Variants in CNOT3 observed in about 807,000 individuals in gnomAD.
The protein encoded by CNOT3 is CCR4-associated factor 3.
In CNOT3, 2 loss-of-function variants were observed where a neutral mutation model predicts 89.4. That is an observed-to-expected ratio of 0.02 (90% CI 0.01 to 0.07). The LOEUF is 0.07. Among genes scored for constraint, CNOT3 ranks in the 10% least tolerant of loss-of-function variants. CNOT3 has a pLI of 1.00. For missense variants in CNOT3, 664 were observed against 1,010.2 expected, an observed-to-expected ratio of 0.66 and a Z score of 4.65; for synonymous variants, 486 against 402.0, an observed-to-expected ratio of 1.21 and a Z score of -2.50.
intron 3 of CNOT3, 101 bp downstream of exon 3, chr19:54,143,287 T>C (rs1235754269): frequency 8.9e-7 from 1 of 1,119,968 alleles, no homozygotes; most frequent in South Asian, 1.2e-5. Context: ...GGGCTACATA[T>C]GCAGATGCTG....
chr19:54,148,316 C>T lies in CNOT3; in HGVS notation c.1063C>T (p.Pro355Ser). ...CGCAGCACCCCCAAGTGCCCTGGGCCCCAAGGCCAGTCCAGCTCCCAGCCA... is the reference window on the plus strand; with the variant it reads ...CGCAGCACCCCCAAGTGCCCTGGGCTCCAAGGCCAGTCCAGCTCCCAGCCA... ...APAAPPSALG[P>S]KASPAPSHNS... Residue 355 changes from proline (P) to serine (S), a missense_variant, in exon 11 of 18, where the codon CCC becomes TCC. By Grantham distance (74) the Pro-to-Ser change is moderately conservative (BLOSUM62 -1). Coordinates refer to ENST00000221232, the MANE Select transcript of CNOT3 (RefSeq NM_014516.4). The surrounding 1 kb of genome is among the most constrained non-coding windows in gnomAD (Gnocchi z 6.3). 1 of 1,604,334 alleles carries T rather than the reference C, an allele frequency of 6.2e-7. No individual in the cohort carries two copies. The highest frequency in any genetic ancestry group is 8.5e-7 in the Non-Finnish European group (1 of 1,174,924).
At chr19:54,146,064 A>G (rs377058300) in intron 9 of CNOT3, 21 bp downstream of exon 9, 5 of 1,611,106 alleles carry the variant, frequency 3.1e-6, no homozygotes, top group African/African-American at 2.7e-5. Flanking sequence ...ACGGGACACT[A>G]GTACCTTGTG....
chr19:54,149,051 A>AGGCCAATTGACTGCCT (rs1295986784), intron 12 of CNOT3, among the ~76,000 whole-genome samples: 2 of 152,200 alleles, frequency 1.3e-5, no homozygotes, highest in African/African-American at 4.8e-5. Flanking sequence ...ATTGACTGCC[A>AGGCCAATTGACTGCCT]CCGGAGGGTC....
chr19:54,138,496 C>T (rs1377544483), intron 1 of CNOT3, among the ~76,000 whole-genome samples: 1 of 151,128 alleles, frequency 6.6e-6, no homozygotes, highest in East Asian at 2.0e-4. Flanking sequence ...TCTCCCTCGA[C>T]GGTGGCGGGG....
rs1245691459 is a variant in CNOT3 at position 54,154,145 on chromosome 19, G to A, written c.2163+305G>A. On this transcript the variant is annotated intron_variant, in intron 17 of 17. Coordinates refer to ENST00000221232, the MANE Select transcript of CNOT3 (RefSeq NM_014516.4). Reference sequence around the variant, plus strand: ...GCAGTGCTGGGCACACTCGCCTGGGGTGTGGGATTTTCCCAGTATGTGTCC... The same window carrying A: ...GCAGTGCTGGGCACACTCGCCTGGGATGTGGGATTTTCCCAGTATGTGTCC... The A allele has an allele frequency of 5.1e-6, 3 of 585,166 alleles. No individual in the cohort carries two copies. The African/African-American group carries it at 5.5e-5, about 11-fold the overall frequency. 36.2% of individuals were successfully genotyped at this position (585,166 alleles called of 1,614,324 possible).
At chr19:54,149,284 A>T (rs1468385717) in intron 12 of CNOT3, among the ~76,000 whole-genome samples, 1 of 152,188 alleles carries the variant, frequency 6.6e-6, no homozygotes, top group African/African-American at 2.4e-5. Flanking sequence ...TGCCCAGGGC[A>T]AGTGGTTTTG....
In CNOT3 at chr19:54,137,940, T is replaced by C. The variant is rs1184469437; in HGVS notation, c.-104T>C. 2 of 151,542 alleles carry C rather than the reference T, an allele frequency of 1.3e-5. No homozygotes were observed. The highest frequency in any genetic ancestry group is 4.9e-5 in the African/African-American group (2 of 41,178). The allele number at this position is 151,542 out of a possible 1,614,324, so 9.4% of individuals were successfully genotyped here. ...GGCGCGAGAAAAAGGCGGCGGGCGC[T>C]CGCCTCCCCCGCCTGTCGCGATACG... On this transcript the variant is annotated 5_prime_UTR_variant, in exon 1 of 18. Transcript: ENST00000221232.
chr19:54,144,509 C>T lies in CNOT3; in HGVS notation c.483+177C>T, dbSNP rs587626610. Among the ~76,000 whole-genome samples, 3 of 152,260 alleles carry T rather than the reference C, an allele frequency of 2.0e-5. No homozygotes were observed. The highest frequency in any genetic ancestry group is 6.5e-5 in the Admixed American group (1 of 15,296). ...GGATTGGGAGGGCTTAGCAGCTGCA[C>T]GCGTGGGGCAGGAAGGAGGTCAGAC... On this transcript the variant is annotated intron_variant, in intron 7 of 17. Coordinates refer to ENST00000221232, the MANE Select transcript of CNOT3 (RefSeq NM_014516.4). The surrounding 1 kb of genome is among the most constrained non-coding windows in gnomAD (Gnocchi z 4.8).
intron 12 of CNOT3, among the ~76,000 whole-genome samples, chr19:54,149,321 C>T (rs587616978): frequency 4.6e-5 from 7 of 152,300 alleles, no homozygotes; most frequent in African/African-American, 1.4e-4. Flanking sequence ...GTGGAGCACC[C>T]GAGAATCCTC....
At chr19:54,151,386 G>A (rs1176979023) in intron 13 of CNOT3, among the ~76,000 whole-genome samples, 4 of 152,112 alleles carry the variant, frequency 2.6e-5, no homozygotes, top group African/African-American at 7.2e-5. Flanking sequence ...CGACAGGGAA[G>A]GGAGCCATCC....
At position 54,140,173 on chromosome 19, in the gene CNOT3, G is replaced by A. The variant is rs2074389910; in HGVS notation, c.-51+2180G>A. Among the ~76,000 whole-genome samples, 5 of 152,124 alleles carry A rather than the reference G, an allele frequency of 3.3e-5. No individual in the cohort carries two copies. In the South Asian group the frequency reaches 1.0e-3, roughly 32 times the overall value. ...TATCATCTTCCCTGAGATGAAGTCTGGGGGGCTCTTCTTTACTGGTTTTGG... is the reference window on the plus strand; with the variant it reads ...TATCATCTTCCCTGAGATGAAGTCTAGGGGGCTCTTCTTTACTGGTTTTGG... On this transcript the variant is annotated intron_variant, in intron 1 of 17. Coordinates refer to ENST00000221232, the MANE Select transcript of CNOT3 (RefSeq NM_014516.4).
chr19:54,148,952 A>G lies in CNOT3; in HGVS notation c.1406+209A>G, dbSNP rs2074875225. Among the ~76,000 whole-genome samples the G allele has an allele frequency of 6.6e-6, 1 of 152,204 alleles. No individual in the cohort carries two copies. The highest frequency in any genetic ancestry group is 1.5e-5 in the Non-Finnish European group (1 of 68,038). On this transcript the variant is annotated intron_variant, in intron 12 of 17. Transcript: ENST00000221232. This position sits in a 1 kb window ranked among gnomAD's most constrained non-coding sequence, Gnocchi z 6.3. ...CAGCCTCCCTGCTTTGCCCTTCAGA[A>G]CATTCTAAAATACGTTCTCATCTAA...
intron 9 of CNOT3, 86 bp downstream of exon 9, chr19:54,146,129 T>C: frequency 6.7e-7 from 1 of 1,483,728 alleles, no homozygotes; most frequent in Non-Finnish European, 9.2e-7. Flanking sequence ...AAAGTGGCTA[T>C]GGGAGCGTAA....
At position 54,144,734 on chromosome 19, in the gene CNOT3, C is replaced by T. The variant is rs1032613592; in HGVS notation, c.483+402C>T. Among the ~76,000 whole-genome samples, 3 of 152,162 alleles carry T rather than the reference C, an allele frequency of 2.0e-5. No homozygotes were observed. The highest frequency in any genetic ancestry group is 2.0e-4 in the Admixed American group (3 of 15,270). ...CACAGTGGGTAGAGACAAGGCAGAACATGGAGAAGGCAGAGAACCAGGCCT... is the reference window on the plus strand; with the variant it reads ...CACAGTGGGTAGAGACAAGGCAGAATATGGAGAAGGCAGAGAACCAGGCCT... On this transcript the variant is annotated intron_variant, in intron 7 of 17. Transcript: ENST00000221232. This position sits in a 1 kb window ranked among gnomAD's most constrained non-coding sequence, Gnocchi z 4.8.
Position 54,152,432 on chromosome 19 carries a change from C to G in CNOT3, c.1710C>G (p.Ile570Met), listed in dbSNP as rs779941160. The G allele has an allele frequency of 3.1e-6, 5 of 1,614,202 alleles. No homozygotes were observed. In the South Asian group the frequency reaches 5.5e-5, roughly 18 times the overall value. ...VPTLHLTERD[I>M]ILSSTSAPPA... ...GGACCCCCACCCTCCCCACAGACAT[C>G]ATCCTGAGCAGTACATCAGCACCTC... Residue 570 changes from isoleucine (I) to methionine (M), a missense_variant, in exon 15 of 18, where the codon ATC becomes ATG. This residue lies in a region of CNOT3 where 545 missense variants were observed against 566.2 expected (regional missense o/e 0.96). Transcript: ENST00000221232.
intron 16 of CNOT3, chr19:54,153,273 C>T (rs367687183): frequency 1.0e-4 from 77 of 762,186 alleles, no homozygotes; most frequent in South Asian, 8.5e-4. Context: ...GGCTCACCCG[C>T]GGCCCCTCCC....
At position 54,148,334 on chromosome 19, in the gene CNOT3, C is replaced by A; in HGVS notation, c.1081C>A (p.Pro361Thr). Reference protein sequence around the residue: ...SALGPKASPAPSHNSGTPAPY... With the variant: ...SALGPKASPATSHNSGTPAPY... ...CCTGGGCCCCAAGGCCAGTCCAGCT[C>A]CCAGCCACAACTCGGGCACCCCTGC... The change falls in exon 11 of 18, where the codon CCC becomes ACC. Residue 361 changes from proline (P) to threonine (T), a missense_variant. This residue lies in a region of CNOT3 where 545 missense variants were observed against 566.2 expected (regional missense o/e 0.96). Transcript: ENST00000221232. The surrounding 1 kb of genome is among the most constrained non-coding windows in gnomAD (Gnocchi z 6.3). 1.3e-6 allele frequency: 2 copies of A among 1,595,018 alleles called. No homozygotes were observed.
At chr19:54,154,499 A>C (rs1327055863) in intron 17 of CNOT3, 1 of 181,908 alleles carries the variant, frequency 5.5e-6, no homozygotes, top group African/African-American at 2.3e-5. Context: ...TAAGTACTTA[A>C]TGGTGACTGC....
At chr19:54,142,699 A>C in intron 1 of CNOT3, 2 of 586,618 alleles carry the variant, frequency 3.4e-6, no homozygotes, top group Non-Finnish European at 6.1e-6. Flanking sequence ...CACACAAAAA[A>C]GTATGTAACT....
Sources: allele counts gnomAD v4.1 joint callset (sites outside exome capture counted in the v4.1 genomes callset), GRCh38; gene constraint gnomAD v4.1.1; regional missense constraint gnomAD v4.1.1; non-coding constraint Gnocchi (gnomAD v3.1); transcripts MANE v1.5; gene names NCBI Gene and HGNC (gene_info 2026-07-23, HGNC 2026-07-21).